Variants in HRK observed in about 807,000 individuals in gnomAD.
HRK encodes harakiri, BCL2 interacting protein, also known as activator of apoptosis harakiri.
A neutral mutation model predicts 5.9 loss-of-function variants in HRK; 6 were observed. That is an observed-to-expected ratio of 1.02 (90% CI 0.56 to 2.01). HRK has a LOEUF of 2.01. Among genes scored for constraint, HRK ranks in the 30% most tolerant of loss-of-function variants. HRK has a pLI of 0.00. For synonymous variants in HRK, 85 were observed against 65.1 expected, an observed-to-expected ratio of 1.31 and a Z score of -1.47; for missense variants, 133 against 128.3, an observed-to-expected ratio of 1.04 and a Z score of -0.18.
chr12:116,877,982 C>T (rs1189008647), intron 1 of HRK, among the ~76,000 whole-genome samples: 1 of 152,208 alleles, frequency 6.6e-6, no homozygotes, highest in East Asian at 1.9e-4. Context: ...CTCAGCTCTT[C>T]TTGGCTGACT....
intron 1 of HRK, among the ~76,000 whole-genome samples, chr12:116,868,292 G>A (rs887942529): frequency 4.0e-4 from 61 of 151,966 alleles, no homozygotes; most frequent in Admixed American, 3.5e-3. Flanking sequence ...AGAAAACCAC[G>A]CAGGTCAAAC....
chr12:116,875,083 A>AT (rs1218523586), intron 1 of HRK, among the ~76,000 whole-genome samples: 6 of 152,248 alleles, frequency 3.9e-5, no homozygotes, highest in African/African-American at 1.4e-4. Flanking sequence ...AAAAACACAC[A>AT]TAAAAACAAT....
intron 1 of HRK, among the ~76,000 whole-genome samples, chr12:116,867,343 T>C (rs539163601): frequency 6.6e-6 from 1 of 151,702 alleles, no homozygotes; most frequent in Non-Finnish European, 1.5e-5. Flanking sequence ...GGGGTTTCAC[T>C]ATGTTGGCCA....
At position 116,879,146 on chromosome 12, in the gene HRK, C is replaced by A. The variant is rs1879045716; in HGVS notation, c.*56+1830G>T. 6.6e-6 allele frequency: 1 copy of A among 152,346 alleles called. No individual in the cohort carries two copies. Among genetic ancestry groups the A allele is most frequent in the Non-Finnish European group, 1.5e-5 (1 of 68,158 alleles). The allele number at this position is 152,346 out of a possible 1,614,324, so 9.4% of individuals were successfully genotyped here. A position where few individuals can be genotyped will look rare whatever the true frequency, so the allele number is the denominator to read the frequency against. ...GCCTCCCGGGAGGGGCACCCGACAT[C>A]CCGCACGCCTGGTGCCGGAAGGGGA... On this transcript the variant is annotated intron_variant, in intron 1 of 1. Coordinates refer to ENST00000257572, the MANE Select transcript of HRK (RefSeq NM_003806.4). This position sits in a 1 kb window ranked among gnomAD's most constrained non-coding sequence, Gnocchi z 5.6.
chr12:116,879,157 G>A lies in HRK; in HGVS notation c.*56+1819C>T, dbSNP rs1274609299. 1 of 152,344 alleles carries A rather than the reference G, an allele frequency of 6.6e-6. No homozygotes were observed. Among genetic ancestry groups the A allele is most frequent in the Admixed American group, 6.5e-5 (1 of 15,286 alleles). The allele number at this position is 152,344 out of a possible 1,614,324, so 9.4% of individuals were successfully genotyped here. A position where few individuals can be genotyped will look rare whatever the true frequency, so the allele number is the denominator to read the frequency against. The stretch of plus-strand genomic sequence containing the variant: ...GGGGCACCCGACATCCCGCACGCCT[G>A]GTGCCGGAAGGGGAGAGCGTTTCCA... On this transcript the variant is annotated intron_variant, in intron 1 of 1. Transcript: ENST00000257572. This position sits in a 1 kb window ranked among gnomAD's most constrained non-coding sequence, Gnocchi z 5.6.
At position 116,881,027 on chromosome 12, in the gene HRK, C is replaced by G. The variant is rs759479514; in HGVS notation, c.*5G>C. ...GCTCCGGCCCCACCAAGAAGCCCCG[C>G]GTTCCTACAAGTTCCGCCTGCCGAG... On this transcript the variant is annotated 3_prime_UTR_variant, in exon 1 of 2. Transcript: ENST00000257572. 2 of 1,339,286 alleles carry G rather than the reference C, an allele frequency of 1.5e-6. No individual in the cohort carries two copies. Among genetic ancestry groups the G allele is most frequent in the South Asian group, 3.9e-5 (2 of 51,734 alleles). 83.0% of individuals were successfully genotyped at this position (1,339,286 alleles called of 1,614,324 possible). A position where few individuals can be genotyped will look rare whatever the true frequency, so the allele number is the denominator to read the frequency against.
At chr12:116,865,054 G>A (rs557165267) in intron 1 of HRK, among the ~76,000 whole-genome samples, 189 of 152,280 alleles carry the variant, frequency 1.2e-3, no homozygotes, top group Admixed American at 6.1e-3. Flanking sequence ...CAGAGAGGGA[G>A]AACTTGAACC....
At chr12:116,867,254 G>T (rs1225189646) in intron 1 of HRK, among the ~76,000 whole-genome samples, 2 of 151,936 alleles carry the variant, frequency 1.3e-5, no homozygotes, top group Non-Finnish European at 2.9e-5. Flanking sequence ...CTATTCTCCG[G>T]CCTCAGCCTC....
chr12:116,871,639 T>A (rs1401661006), intron 1 of HRK, among the ~76,000 whole-genome samples: 1 of 150,846 alleles, frequency 6.6e-6, no homozygotes, highest in Non-Finnish European at 1.5e-5. Flanking sequence ...TTATTTTTTT[T>A]TTTTTGAGAC....
At position 116,857,136 on chromosome 12, in the gene HRK, T is replaced by C. The variant is rs1354887936; in HGVS notation, c.*4387A>G. On this transcript the variant is annotated 3_prime_UTR_variant, in exon 2 of 2. Coordinates refer to ENST00000257572, the MANE Select transcript of HRK (RefSeq NM_003806.4). ...CACAGTGGTGACCTGACAAATCTGTTAAACATCGTGAACCAGACTGGAAAG... is the reference window on the plus strand; with the variant it reads ...CACAGTGGTGACCTGACAAATCTGTCAAACATCGTGAACCAGACTGGAAAG... 6.6e-6 allele frequency: 1 copy of C among 152,216 alleles called. No individual in the cohort carries two copies. The highest frequency in any genetic ancestry group is 1.5e-5 in the Non-Finnish European group (1 of 68,056). The allele number at this position is 152,216 out of a possible 1,614,324, so 9.4% of individuals were successfully genotyped here.
chr12:116,880,575 C>T (rs1427568918), intron 1 of HRK, among the ~76,000 whole-genome samples: 1 of 152,044 alleles, frequency 6.6e-6, no homozygotes, highest in Non-Finnish European at 1.5e-5. Context: ...GGACCGGGGA[C>T]CTTTCTTGGA....
In HRK at chr12:116,881,167, G is replaced by T; in HGVS notation, c.141C>A (p.Arg47=). 7 of 1,173,372 alleles carry T rather than the reference G, an allele frequency of 6.0e-6. No individual in the cohort carries two copies. Among genetic ancestry groups the T allele is most frequent in the Non-Finnish European group, 6.3e-6 (6 of 952,584 alleles). The allele number at this position is 1,173,372 out of a possible 1,614,324, so 72.7% of individuals were successfully genotyped here. A position where few individuals can be genotyped will look rare whatever the true frequency, so the allele number is the denominator to read the frequency against. The change falls in exon 1 of 2, where the codon CGC becomes CGA. Residue 47 remains arginine (R), a synonymous_variant. Transcript: ENST00000257572. ...TCCGCGCGCGGCGCCGCCACATGGT[G>T]CGCTGGTGCAGCTCGTCGCCTAGCG... The part of the protein sequence containing the change: ...LKALGDELHQ[R]TMWRRRARSR...
chr12:116,881,206 G>A lies in HRK; in HGVS notation c.102C>T (p.Ala34=), dbSNP rs1361034812. Residue 34 remains alanine (A), a synonymous_variant, in exon 1 of 2, where the codon GCC becomes GCT. Transcript: ENST00000257572. ...GLRSSAAQLT[A]ARLKALGDEL... ...CGTCGCCTAGCGCCTTGAGCCGGGC[G>A]GCGGTGAGCTGCGCGGCGGACGAGC... 5.3e-6 allele frequency: 6 copies of A among 1,133,504 alleles called. No individual in the cohort carries two copies. The highest frequency in any genetic ancestry group is 1.6e-5 in the African/African-American group (1 of 60,702). The allele number at this position is 1,133,504 out of a possible 1,614,324, so 70.2% of individuals were successfully genotyped here. A position where few individuals can be genotyped will look rare whatever the true frequency, so the allele number is the denominator to read the frequency against.
rs1043596578 is a variant in HRK at position 116,859,066 on chromosome 12, G to A, written c.*2457C>T. On this transcript the variant is annotated 3_prime_UTR_variant, in exon 2 of 2. Coordinates refer to ENST00000257572, the MANE Select transcript of HRK (RefSeq NM_003806.4). ...AAGGTCAGGATTCGATAAATACGTG[G>A]TCTCTAATAAAACAGGAGAATATCT... The A allele has an allele frequency of 6.6e-6, 1 of 152,164 alleles. No individual in the cohort carries two copies. Among genetic ancestry groups the A allele is most frequent in the Admixed American group, 6.6e-5 (1 of 15,264 alleles). 9.4% of individuals were successfully genotyped at this position (152,164 alleles called of 1,614,324 possible).
At chr12:116,863,086 G>A (rs923629187) in intron 1 of HRK, among the ~76,000 whole-genome samples, 1 of 152,142 alleles carries the variant, frequency 6.6e-6, no homozygotes, top group Non-Finnish European at 1.5e-5. Flanking sequence ...AGATAAGAAC[G>A]TATCACCCGT....
At chr12:116,876,647 C>T (rs948626181) in intron 1 of HRK, 1 of 152,284 alleles carries the variant, frequency 6.6e-6, no homozygotes, top group African/African-American at 2.4e-5. Flanking sequence ...CCCAGGCACG[C>T]TTCTCCCTCC....
Position 116,881,124 on chromosome 12 carries a change from G to A in HRK, c.184C>T (p.Pro62Ser), listed in dbSNP as rs573483316. 3.2e-5 allele frequency: 39 copies of A among 1,218,382 alleles called. No homozygotes were observed. Among genetic ancestry groups the A allele is most frequent in the African/African-American group, 1.7e-4 (11 of 63,180 alleles). The allele number at this position is 1,218,382 out of a possible 1,614,324, so 75.5% of individuals were successfully genotyped here. The change falls in exon 1 of 2, where the codon CCC becomes TCC. Residue 62 changes from proline (P) to serine (S), a missense_variant. By Grantham distance (74) the Pro-to-Ser change is moderately conservative. Transcript: ENST00000257572. ...GGCCAGTAGGTGGGGAGCGCGCCGG[G>A]CGCCGGCGCCCTCCGGCTCCGCGCG... ...RRARSRRAPA[P>S]GALPTYWPWL...
In HRK at chr12:116,858,412, G is replaced by A. The variant is rs1204842747; in HGVS notation, c.*3111C>T. 2 of 151,976 alleles carry A rather than the reference G, an allele frequency of 1.3e-5. No homozygotes were observed. The highest frequency in any genetic ancestry group is 2.1e-4 in the South Asian group (1 of 4,812). The allele number at this position is 151,976 out of a possible 1,614,324, so 9.4% of individuals were successfully genotyped here. On this transcript the variant is annotated 3_prime_UTR_variant, in exon 2 of 2. Coordinates refer to ENST00000257572, the MANE Select transcript of HRK (RefSeq NM_003806.4). Reference sequence around the variant, plus strand: ...TTCCAGAAAGGACTGGATCTCATTCGGAGTGTTGAAGTCCCGGGGGCTCCA... The same window carrying A: ...TTCCAGAAAGGACTGGATCTCATTCAGAGTGTTGAAGTCCCGGGGGCTCCA...
At chr12:116,873,883 AT>A (rs1191356614) in intron 1 of HRK, among the ~76,000 whole-genome samples, 1 of 152,104 alleles carries the variant, frequency 6.6e-6, no homozygotes, top group East Asian at 1.9e-4. Flanking sequence ...CAACTTATTG[AT>A]GTGGGCTAAA....
Sources: allele counts gnomAD v4.1 joint callset (sites outside exome capture counted in the v4.1 genomes callset), GRCh38; gene constraint gnomAD v4.1.1; non-coding constraint Gnocchi (gnomAD v3.1); transcripts MANE v1.5; gene names NCBI Gene and HGNC (gene_info 2026-07-23, HGNC 2026-07-21).